The following ATP11C variants were observed in gnomAD, a reference collection of about 807,000 sequenced individuals.
ATP11C encodes the protein ATPase phospholipid transporting 11C (ATP11C blood group), also known as phospholipid-transporting ATPase IG.
Under a neutral mutation model 97.4 loss-of-function variants are expected in ATP11C, and 36 were observed. That is an observed-to-expected ratio of 0.37 (90% CI 0.28 to 0.49). The LOEUF (loss-of-function observed/expected upper bound fraction) is 0.49, where lower values mean the gene tolerates loss of function less well. Among genes scored for constraint, ATP11C ranks in the 20% least tolerant of loss-of-function variants. ATP11C has a pLI of 0.98. For synonymous variants in ATP11C, 275 were observed against 290.9 expected (o/e 0.95, Z 0.56); for missense variants, 730 against 824.6 (o/e 0.89, Z 1.40).
At chrX:139,819,015 T>C (rs955964430) in intron 3 of ATP11C, among the ~76,000 whole-genome samples, 5 of 112,010 alleles carry the variant, frequency 4.5e-5, no homozygotes, top group East Asian at 2.8e-4. Context: ...TAGTTTGAAC[T>C]ATTTTCAGTT....
intron 1 of ATP11C, among the ~76,000 whole-genome samples, chrX:139,844,910 T>G (rs2083887951): frequency 8.9e-6 from 1 of 111,908 alleles, no homozygotes; most frequent in Non-Finnish European, 1.9e-5. Context: ...TTGCACAGAT[T>G]TACCAAAAAT....
intron 1 of ATP11C, among the ~76,000 whole-genome samples, chrX:139,853,568 A>G (rs1396558250): frequency 9.0e-6 from 1 of 110,608 alleles, no homozygotes; most frequent in African/African-American, 3.3e-5. Flanking sequence ...CCTGTACTTG[A>G]TAATTAAAGG....
intron 5 of ATP11C, among the ~76,000 whole-genome samples, chrX:139,806,469 C>A (rs754821327): frequency 8.9e-6 from 1 of 111,988 alleles, no homozygotes; most frequent in South Asian, 3.8e-4. Flanking sequence ...CAAAGGGTAA[C>A]AAGTGTTTCT....
chrX:139,732,797 A>C (rs1250521509), intron 28 of ATP11C, among the ~76,000 whole-genome samples: 2 of 111,442 alleles, frequency 1.8e-5, no homozygotes, highest in African/African-American at 6.5e-5. Context: ...AAAATTGACT[A>C]TTTTAAATAA....
chrX:139,808,056 A>C (rs1454525127), intron 5 of ATP11C, among the ~76,000 whole-genome samples: 4 of 112,050 alleles, frequency 3.6e-5, no homozygotes, highest in Admixed American at 2.8e-4. Context: ...GGATACTACA[A>C]AAAAATGAAA....
In ATP11C at chrX:139,932,282, G is replaced by C; in HGVS notation, c.-240C>G. On this transcript the variant is annotated 5_prime_UTR_variant, in exon 1 of 30. Coordinates refer to ENST00000682941, the MANE Select transcript of ATP11C (RefSeq NM_001353812.2). ...CCCGCCCCCGGCCTGCCTGACCCGGGGGCGGCGGCCCCGCGGATCGCCCTT... is the reference window on the plus strand; with the variant it reads ...CCCGCCCCCGGCCTGCCTGACCCGGCGGCGGCGGCCCCGCGGATCGCCCTT... The C allele has an allele frequency of 8.8e-6, 1 of 113,784 alleles. No individual in the cohort carries two copies. Among genetic ancestry groups the C allele is most frequent in the Non-Finnish European group, 1.8e-5 (1 of 55,437 alleles). The allele number at this position is 113,784 out of a possible 1,213,427, so 9.4% of individuals were successfully genotyped here. A position where few individuals can be genotyped will look rare whatever the true frequency, so the allele number is the denominator to read the frequency against.
chrX:139,774,842 G>A lies in ATP11C; in HGVS notation c.2064C>T (p.Cys688=). 8.3e-7 allele frequency: 1 copy of A among 1,211,622 alleles called. No individual in the cohort carries two copies. The highest frequency in any genetic ancestry group is 1.1e-6 in the Non-Finnish European group (1 of 895,493). ...METAKSTCYA[C]RLFQTNTELL... ...GCTCAGTGTTGGTCTGGAAAAGGCG[G>A]CAGGCATAGCATGTGGATTTAGCTG... The change falls in exon 19 of 30, where the codon TGC becomes TGT. Residue 688 remains cysteine, a synonymous_variant. Coordinates refer to ENST00000682941, the MANE Select transcript of ATP11C (RefSeq NM_001353812.2).
At chrX:139,787,629 G>C (rs943391484) in intron 14 of ATP11C, among the ~76,000 whole-genome samples, 1 of 112,725 alleles carries the variant, frequency 8.9e-6, no homozygotes, top group African/African-American at 3.2e-5. Context: ...GGTAACTCAT[G>C]CTTGTTTATG....
At chrX:139,790,286 C>T (rs1233377951) in intron 12 of ATP11C, among the ~76,000 whole-genome samples, 1 of 111,257 alleles carries the variant, frequency 9.0e-6, no homozygotes, top group Non-Finnish European at 1.9e-5. Context: ...CACTATGTTG[C>T]CCAGGCTGGT....
chrX:139,758,927 G>T (rs902833552), intron 22 of ATP11C, among the ~76,000 whole-genome samples: 1 of 111,927 alleles, frequency 8.9e-6, no homozygotes, highest in African/African-American at 3.3e-5. Flanking sequence ...AGGATATTTC[G>T]ATCAATGTAC....
chrX:139,843,767 G>A (rs950576852), intron 1 of ATP11C, among the ~76,000 whole-genome samples: 3 of 111,362 alleles, frequency 2.7e-5, no homozygotes, highest in Admixed American at 9.6e-5. Flanking sequence ...CTCAAAGGGG[G>A]TGATTATGTT....
chrX:139,804,525 A>C lies in ATP11C; in HGVS notation c.501T>G (p.Thr167=), dbSNP rs1261750147. The C allele has an allele frequency of 8.3e-7, 1 of 1,202,979 alleles. No individual in the cohort carries two copies. The highest frequency in any genetic ancestry group is 1.8e-5 in the South Asian group (1 of 56,323). ...CDLILLSSCT[T]DGTCYVTTAS... ...CTGTAGTGACATAACAGGTTCCATCAGTGGTGCAAGATGATAGAAGAATAA... is the reference window on the plus strand; with the variant it reads ...CTGTAGTGACATAACAGGTTCCATCCGTGGTGCAAGATGATAGAAGAATAA... Residue 167 remains threonine, a synonymous_variant, in exon 6 of 30, where the codon ACT becomes ACG. Coordinates refer to ENST00000682941, the MANE Select transcript of ATP11C (RefSeq NM_001353812.2).
rs1025431602 is a variant in ATP11C, at chrX:139,795,939, C to T, written c.1206+334G>A. Among the ~76,000 whole-genome samples, 4 of 111,951 alleles carry T rather than the reference C, an allele frequency of 3.6e-5. No individual in the cohort carries two copies. In the Admixed American group the frequency reaches 3.8e-4, roughly 11 times the overall value. On this transcript the variant is annotated intron_variant, in intron 12 of 29. Coordinates refer to ENST00000682941, the MANE Select transcript of ATP11C (RefSeq NM_001353812.2). ...TTATAAAAGAGCCATATTTGCTACC[C>T]CATATTCTATCCACAAATGGTTATA... is the stretch of plus-strand genomic sequence containing the variant.
chrX:139,802,250 T>C lies in ATP11C; in HGVS notation c.645A>G (p.Gln215=). 1 of 1,201,973 alleles carries C rather than the reference T, an allele frequency of 8.3e-7. No individual in the cohort carries two copies. Among genetic ancestry groups the C allele is most frequent in the Non-Finnish European group, 1.1e-6 (1 of 886,535 alleles). Residue 215 remains glutamine, a synonymous_variant, in exon 7 of 30, where the codon CAA becomes CAG. Transcript: ENST00000682941. The part of the protein sequence containing the change: ...LRAAIECEQP[Q]PDLYKFVGRI... ...GTGATTCTTACTTGTAGAGGTCAGG[T>C]TGAGGCTGTTCACATTCAATTGCTG...
intron 1 of ATP11C, among the ~76,000 whole-genome samples, chrX:139,904,030 CTGTCT>C (rs2084937609): frequency 8.9e-6 from 1 of 112,085 alleles, no homozygotes; most frequent in South Asian, 3.7e-4. Context: ...ATGTGATACA[CTGTCT>C]TGTCTTTTGT....
chrX:139,803,685 C>CTTTTTTTTTTTTTTTTTTTTTT (rs140315105), intron 6 of ATP11C, among the ~76,000 whole-genome samples: 3 of 38,265 alleles, frequency 7.8e-5, no homozygotes, highest in African/African-American at 3.1e-4. Context: ...TACACCCTAT[C>CTTTTTTTTTTTTTTTTTTTTTT]TTTTTTTTTT....
chrX:139,758,211 C>T (rs1270854890), intron 22 of ATP11C, among the ~76,000 whole-genome samples: 1 of 112,125 alleles, frequency 8.9e-6, no homozygotes, highest in Non-Finnish European at 1.9e-5. Context: ...AGTAGACTGA[C>T]AATGCTGTAA....
At chrX:139,922,918 G>C (rs992673866) in intron 1 of ATP11C, among the ~76,000 whole-genome samples, 4 of 111,160 alleles carry the variant, frequency 3.6e-5, no homozygotes, top group Non-Finnish European at 5.7e-5. Flanking sequence ...CTCCCGAGTA[G>C]CTGGGATTAC....
chrX:139,779,205 T>C (rs1003313533), intron 18 of ATP11C, among the ~76,000 whole-genome samples: 2 of 110,593 alleles, frequency 1.8e-5, no homozygotes, highest in African/African-American at 6.7e-5. Flanking sequence ...AAAGAAACTC[T>C]GGACTTAAAT....
Sources: allele counts gnomAD v4.1 joint callset (sites outside exome capture counted in the v4.1 genomes callset), GRCh38; gene constraint gnomAD v4.1.1; transcripts MANE v1.5; gene names NCBI Gene and HGNC (gene_info 2026-07-23, HGNC 2026-07-21).